Variants in VWA8 observed in about 807,000 individuals in gnomAD.
The protein encoded by VWA8 is von Willebrand factor A domain-containing protein 8.
VWA8 carries 221 observed loss-of-function variants against 241.5 expected under a neutral mutation model. The observed-to-expected ratio is 0.91, with a 90% CI of 0.82 to 1.02. The LOEUF is 1.02. VWA8 is among the 50% of genes least tolerant of loss of function. The pLI, the probability that VWA8 is intolerant of heterozygous loss-of-function variation, is 0.00. For synonymous variants in VWA8, 852 were observed against 827.1 expected, an observed-to-expected ratio of 1.03 and a Z score of -0.52; for missense variants, 2,322 against 2,328.7, an observed-to-expected ratio of 1.00 and a Z score of 0.06.
At chr13:41,573,482 A>ATATATATATAT (rs1391223657) in intron 43 of VWA8, among the ~76,000 whole-genome samples, 13 of 114,628 alleles carry the variant, frequency 1.1e-4, no homozygotes, top group African/African-American at 4.7e-4. Flanking sequence ...TTTAAAAAAA[A>ATATATATATAT]AAAAATATAT....
chr13:41,798,477 A>G (rs1869803675), intron 17 of VWA8, among the ~76,000 whole-genome samples: 3 of 152,224 alleles, frequency 2.0e-5, no homozygotes, highest in African/African-American at 4.8e-5. Flanking sequence ...TCAGGATACT[A>G]TCCAATCCTG....
intron 37 of VWA8, among the ~76,000 whole-genome samples, chr13:41,634,429 T>G (rs1205978112): frequency 6.6e-6 from 1 of 152,154 alleles, no homozygotes; most frequent in Non-Finnish European, 1.5e-5. Context: ...TATACCCAAT[T>G]TTTGACGTAT....
rs373412466 is a variant in VWA8, at chr13:41,644,005, T to C, written c.4611+26941A>G. The stretch of plus-strand genomic sequence containing the variant: ...CATCTGTGAAGGAGTGAATCTATTA[T>C]CTCCTTTTTTCTTATTATAGGTAAA... On this transcript the variant is annotated intron_variant, in intron 37 of 44. Coordinates refer to ENST00000379310, the MANE Select transcript of VWA8 (RefSeq NM_015058.2). 5.8e-4 allele frequency among the ~76,000 whole-genome samples: 88 copies of C among 152,168 alleles called. No homozygotes were observed. In the East Asian group the frequency reaches 7.9e-3, roughly 14 times the overall value.
chr13:41,833,763 G>A (rs1871591612), intron 12 of VWA8, among the ~76,000 whole-genome samples: 1 of 151,946 alleles, frequency 6.6e-6, no homozygotes, highest in African/African-American at 2.4e-5. Context: ...AGAGTGAGAG[G>A]TTTTTTTCCC....
At chr13:41,724,069 GACTA>G (rs1428609629) in intron 24 of VWA8, among the ~76,000 whole-genome samples, 2 of 152,062 alleles carry the variant, frequency 1.3e-5, no homozygotes, top group African/African-American at 4.8e-5. Context: ...AGAAGAGAGT[GACTA>G]ACTGTATCAA....
chr13:41,774,927 A>G (rs1343462436), intron 20 of VWA8, among the ~76,000 whole-genome samples: 2 of 152,038 alleles, frequency 1.3e-5, no homozygotes, highest in African/African-American at 4.8e-5. Flanking sequence ...CCAGCTTATT[A>G]CTTTTCCATG....
chr13:41,814,550 G>A (rs1870607859), intron 16 of VWA8, among the ~76,000 whole-genome samples: 1 of 152,134 alleles, frequency 6.6e-6, no homozygotes, highest in Non-Finnish European at 1.5e-5. Flanking sequence ...AGCAGCTTAG[G>A]GTCAGAGGGA....
chr13:41,690,116 G>T, intron 33 of VWA8, 50 bp downstream of exon 33: 1 of 1,515,534 alleles, frequency 6.6e-7, no homozygotes, highest in Non-Finnish European at 9.1e-7. Flanking sequence ...GACAGTATAT[G>T]TACAAGCATG....
intron 37 of VWA8, among the ~76,000 whole-genome samples, chr13:41,655,074 G>A (rs964035347): frequency 2.0e-4 from 31 of 151,634 alleles, no homozygotes; most frequent in African/African-American, 7.0e-4. Flanking sequence ...GAATGCTCTT[G>A]TGAGGAAAAA....
At chr13:41,635,897 A>C (rs1221461158) in intron 37 of VWA8, among the ~76,000 whole-genome samples, 1 of 152,118 alleles carries the variant, frequency 6.6e-6, no homozygotes, top group Non-Finnish European at 1.5e-5. Context: ...AGAAGTGATT[A>C]AGTGATAGCT....
chr13:41,949,412 G>T (rs1046586460), intron 2 of VWA8, among the ~76,000 whole-genome samples: 1 of 151,846 alleles, frequency 6.6e-6, no homozygotes, highest in African/African-American at 2.4e-5. Context: ...ACTCATAAGT[G>T]GGAGTTGAAC....
intron 24 of VWA8, among the ~76,000 whole-genome samples, chr13:41,724,393 A>T (rs2045415929): frequency 6.6e-6 from 1 of 152,138 alleles, no homozygotes; most frequent in South Asian, 2.1e-4. Context: ...TGTTTTGAAG[A>T]TGAAGGAAAT....
chr13:41,873,485 A>C (rs1159231883), intron 9 of VWA8, among the ~76,000 whole-genome samples: 1 of 152,198 alleles, frequency 6.6e-6, no homozygotes, highest in African/African-American at 2.4e-5. Flanking sequence ...GACACAATAA[A>C]AAATGATAAA....
chr13:41,769,048 G>A (rs1215012048), intron 20 of VWA8, among the ~76,000 whole-genome samples: 2 of 152,090 alleles, frequency 1.3e-5, no homozygotes, highest in African/African-American at 4.8e-5. Flanking sequence ...GACTACAGGT[G>A]CATGCCACCA....
chr13:41,663,451 ATTT>A (rs34256187), intron 37 of VWA8, among the ~76,000 whole-genome samples: 8,124 of 152,210 alleles, frequency 0.053, 580 homozygotes, highest in African/African-American at 0.17. Flanking sequence ...ATGTATAACA[ATTT>A]AAAATAGCAC....
At chr13:41,783,289 C>T (rs1868975621) in intron 19 of VWA8, among the ~76,000 whole-genome samples, 1 of 150,428 alleles carries the variant, frequency 6.6e-6, no homozygotes, top group African/African-American at 2.4e-5. Flanking sequence ...AGCAACCATT[C>T]CTCCAATTTT....
intron 29 of VWA8, among the ~76,000 whole-genome samples, chr13:41,693,638 G>A (rs954566761): frequency 6.6e-6 from 1 of 151,944 alleles, no homozygotes; most frequent in Admixed American, 6.6e-5. Flanking sequence ...ATTAATCACA[G>A]CTATGCAATG....
chr13:41,637,064 G>A (rs2044762834), intron 37 of VWA8, among the ~76,000 whole-genome samples: 1 of 150,758 alleles, frequency 6.6e-6, no homozygotes, highest in African/African-American at 2.5e-5. Flanking sequence ...CCCATTACTG[G>A]GTATATACCC....
intron 37 of VWA8, among the ~76,000 whole-genome samples, chr13:41,636,761 A>G (rs2044760115): frequency 6.6e-6 from 1 of 152,264 alleles, no homozygotes; most frequent in Non-Finnish European, 1.5e-5. Context: ...GAAGGATATG[A>G]ACAGACACTT....
Sources: gnomAD v4.1 joint callset for allele counts (sites outside exome capture counted in the v4.1 genomes callset) on GRCh38, gnomAD v4.1.1 for gene constraint, MANE v1.5 for transcripts, NCBI Gene and HGNC (gene_info 2026-07-23, HGNC 2026-07-21) for gene names.